The following PSD3 variants were observed in gnomAD, a reference collection of about 807,000 sequenced individuals.
The protein encoded by PSD3 is pleckstrin and Sec7 domain containing 3.
In PSD3, 49 loss-of-function variants were observed where a neutral mutation model predicts 105.5. The ratio of observed to expected loss-of-function variants is 0.46; its 90% CI spans 0.37 to 0.59. The LOEUF (loss-of-function observed/expected upper bound fraction) is 0.59, where lower values mean the gene tolerates loss of function less well. PSD3 is among the 20% of genes least tolerant of loss of function. PSD3 has a pLI of 0.00. For synonymous variants in PSD3, 557 were observed against 457.8 expected, an observed-to-expected ratio of 1.22 and a Z score of -2.77; for missense variants, 1,561 against 1,263.8, an observed-to-expected ratio of 1.24 and a Z score of -3.57.
intron 12 of PSD3, among the ~76,000 whole-genome samples, chr8:18,586,741 C>T (rs1473832147): frequency 6.6e-6 from 1 of 152,032 alleles, no homozygotes; most frequent in South Asian, 2.1e-4. Flanking sequence ...GGCAGTACTA[C>T]CCCCCTCATT....
chr8:18,858,223 A>G (rs944553246), intron 4 of PSD3, among the ~76,000 whole-genome samples: 1 of 152,224 alleles, frequency 6.6e-6, no homozygotes, highest in African/African-American at 2.4e-5. Context: ...TATAAGAGTT[A>G]GGTTTACGCT....
chr8:18,868,121 T>C, intron 3 of PSD3, 52 bp from the exon 4 acceptor site: 1 of 1,509,048 alleles, frequency 6.6e-7, no homozygotes, highest in Non-Finnish European at 8.9e-7. Flanking sequence ...ATGTCTTTAT[T>C]TCTCCCACTT....
At chr8:18,998,405 G>A (rs1826193879) in intron 1 of PSD3, among the ~76,000 whole-genome samples, 1 of 151,908 alleles carries the variant, frequency 6.6e-6, no homozygotes. Flanking sequence ...GATGGGTCCT[G>A]GGCCGGGTGC....
intron 1 of PSD3, among the ~76,000 whole-genome samples, chr8:19,069,797 C>T (rs1426414081): frequency 6.6e-6 from 1 of 152,136 alleles, no homozygotes; most frequent in Non-Finnish European, 1.5e-5. Context: ...CTAAGGTTGT[C>T]AGATAAAATA....
chr8:18,802,341 A>G (rs1257353008), intron 6 of PSD3: 3 of 435,790 alleles, frequency 6.9e-6, no homozygotes, highest in South Asian at 4.9e-5. Context: ...TTGACAATGT[A>G]GATTCATTTT....
chr8:18,655,383 C>T (rs1808816444), intron 10 of PSD3, among the ~76,000 whole-genome samples: 1 of 151,494 alleles, frequency 6.6e-6, no homozygotes, highest in South Asian at 2.1e-4. Flanking sequence ...GTACAGCAAC[C>T]ATTTTAAAAG....
intron 1 of PSD3, among the ~76,000 whole-genome samples, chr8:19,039,838 C>T (rs1054115472): frequency 6.6e-6 from 1 of 152,188 alleles, no homozygotes; most frequent in African/African-American, 2.4e-5. Flanking sequence ...AGAAAAGTCC[C>T]CTCCATCATG....
intron 4 of PSD3, among the ~76,000 whole-genome samples, chr8:18,813,515 T>A (rs183016334): frequency 1.3e-5 from 2 of 152,194 alleles, no homozygotes; most frequent in African/African-American, 4.8e-5. Context: ...CAAAGAAATA[T>A]GTCTAGCAGT....
At chr8:18,928,440 G>A (rs1411976562) in intron 2 of PSD3, among the ~76,000 whole-genome samples, 1 of 152,150 alleles carries the variant, frequency 6.6e-6, no homozygotes, top group African/African-American at 2.4e-5. Context: ...TTAGCAGCGT[G>A]AGAACAGACT....
chr8:18,669,965 T>C (rs562370427), intron 9 of PSD3, among the ~76,000 whole-genome samples: 1 of 152,308 alleles, frequency 6.6e-6, no homozygotes, highest in African/African-American at 2.4e-5. Context: ...AATCCAGTGG[T>C]GAACAACAGA....
intron 1 of PSD3, among the ~76,000 whole-genome samples, chr8:18,996,970 A>T (rs1051262986): frequency 1.3e-5 from 2 of 151,820 alleles, no homozygotes; most frequent in African/African-American, 4.8e-5. Flanking sequence ...GTTTTTTCAC[A>T]TGGCTGGCAA....
At chr8:18,793,301 C>T (rs1809900922) in intron 8 of PSD3, among the ~76,000 whole-genome samples, 1 of 150,800 alleles carries the variant, frequency 6.6e-6, no homozygotes, top group Non-Finnish European at 1.5e-5. Context: ...TGCACATGTA[C>T]CCTAGAACTT....
chr8:18,592,406 G>A (rs1585325563), intron 12 of PSD3, among the ~76,000 whole-genome samples: 1 of 152,132 alleles, frequency 6.6e-6, no homozygotes, highest in South Asian at 2.1e-4. Flanking sequence ...AACACATTAT[G>A]GAAATCCAAG....
chr8:18,853,477 G>C (rs982700633), intron 4 of PSD3, among the ~76,000 whole-genome samples: 1 of 151,880 alleles, frequency 6.6e-6, no homozygotes, highest in Non-Finnish European at 1.5e-5. Flanking sequence ...CCTGCCTGTT[G>C]AACATCACAA....
intron 1 of PSD3, among the ~76,000 whole-genome samples, chr8:19,071,019 T>G: frequency 6.6e-6 from 1 of 152,114 alleles, no homozygotes. Flanking sequence ...GTGGATTTTC[T>G]CCTGATCATT....
intron 9 of PSD3, among the ~76,000 whole-genome samples, chr8:18,668,014 G>T (rs1032203210): frequency 6.6e-6 from 1 of 152,208 alleles, no homozygotes; most frequent in East Asian, 1.9e-4. Flanking sequence ...CCAAGAAATC[G>T]CGCTGGCCCG....
At chr8:18,550,001 C>T (rs945138137) in intron 15 of PSD3, among the ~76,000 whole-genome samples, 3 of 152,202 alleles carry the variant, frequency 2.0e-5, no homozygotes, top group Non-Finnish European at 2.9e-5. Flanking sequence ...AATTACAAGA[C>T]TAAAATGGAT....
chr8:18,592,875 G>C (rs1195545456), intron 12 of PSD3, among the ~76,000 whole-genome samples: 1 of 152,166 alleles, frequency 6.6e-6, no homozygotes, highest in South Asian at 2.1e-4. Flanking sequence ...AATGGGGAAA[G>C]GATTCCCTAT....
intron 11 of PSD3, among the ~76,000 whole-genome samples, chr8:18,606,662 C>A: frequency 6.6e-6 from 1 of 151,424 alleles, no homozygotes; most frequent in Non-Finnish European, 1.5e-5. Context: ...AGAGTGAGAA[C>A]AAGGAGAGAA....
Sources: allele counts gnomAD v4.1 joint callset (sites outside exome capture counted in the v4.1 genomes callset), GRCh38; gene constraint gnomAD v4.1.1; transcripts MANE v1.5; gene names NCBI Gene and HGNC (gene_info 2026-07-23, HGNC 2026-07-21).